Variants in ADCY8 observed in about 807,000 individuals in gnomAD.
ADCY8 encodes adenylate cyclase 8.
A neutral mutation model predicts 119.7 loss-of-function variants in ADCY8; 51 were observed. That is an observed-to-expected ratio of 0.43 (90% CI 0.34 to 0.54). ADCY8 has a LOEUF of 0.54. ADCY8 is among the 20% of genes least tolerant of loss of function. The probability of loss-of-function intolerance (pLI) is 0.03; values close to 1 mark genes in which losing one functional copy is unlikely to be tolerated. For missense variants in ADCY8, 1,383 were observed against 1,598.8 expected, an observed-to-expected ratio of 0.87 and a Z score of 2.30; for synonymous variants, 665 against 651.0, an observed-to-expected ratio of 1.02 and a Z score of -0.33.
At chr8:130,995,789 C>A (rs1359998089) in intron 1 of ADCY8, among the ~76,000 whole-genome samples, 1 of 152,074 alleles carries the variant, frequency 6.6e-6, no homozygotes, top group East Asian at 1.9e-4. Flanking sequence ...ATTCCTGCAC[C>A]CTGTGAATTT....
chr8:130,860,116 T>C (rs1012698804), intron 9 of ADCY8, among the ~76,000 whole-genome samples: 1 of 152,190 alleles, frequency 6.6e-6, no homozygotes, highest in Non-Finnish European at 1.5e-5. Flanking sequence ...AGGTATGTAG[T>C]GGTAGGTCAT....
chr8:130,918,312 GGA>G (rs1176464789), intron 5 of ADCY8, among the ~76,000 whole-genome samples: 1 of 152,092 alleles, frequency 6.6e-6, no homozygotes, highest in African/African-American at 2.4e-5. Context: ...CCTACAAGGT[GGA>G]GAGAGAGAGC....
chr8:131,008,896 G>A (rs1320209052), intron 1 of ADCY8, among the ~76,000 whole-genome samples: 1 of 152,140 alleles, frequency 6.6e-6, no homozygotes, highest in East Asian at 1.9e-4. Context: ...CTATGTTTTG[G>A]CAAGGAGATT....
At chr8:130,825,416 A>G (rs1213361447) in intron 12 of ADCY8, among the ~76,000 whole-genome samples, 2 of 152,166 alleles carry the variant, frequency 1.3e-5, no homozygotes, top group Admixed American at 6.5e-5. Context: ...TGCATCACTT[A>G]TCTTAATTCT....
At chr8:131,007,564 C>T (rs149739429) in intron 1 of ADCY8, among the ~76,000 whole-genome samples, 3 of 152,256 alleles carry the variant, frequency 2.0e-5, no homozygotes, top group African/African-American at 7.2e-5. Flanking sequence ...GAGAAACCTC[C>T]TAGAGCTTAG....
chr8:130,998,722 C>G (rs1822854804), intron 1 of ADCY8, among the ~76,000 whole-genome samples: 1 of 152,096 alleles, frequency 6.6e-6, no homozygotes, highest in Non-Finnish European at 1.5e-5. Flanking sequence ...ACATGGACCA[C>G]AGTGGTAATT....
chr8:130,956,720 T>C (rs1156834988), intron 2 of ADCY8, among the ~76,000 whole-genome samples: 10 of 152,214 alleles, frequency 6.6e-5, no homozygotes, highest in Non-Finnish European at 1.2e-4. Flanking sequence ...TGGGAGATAA[T>C]TGAATCACAG....
chr8:130,823,801 TAACTA>T (rs1267801508), intron 12 of ADCY8, among the ~76,000 whole-genome samples: 1 of 152,212 alleles, frequency 6.6e-6, no homozygotes, highest in African/African-American at 2.4e-5. Context: ...ATTTTGGAGT[TAACTA>T]AATGTCATTT....
intron 12 of ADCY8, among the ~76,000 whole-genome samples, chr8:130,822,535 A>AATCC (rs145398330): frequency 0.017 from 2,355 of 139,688 alleles, 39 homozygotes; most frequent in African/African-American, 0.038. Context: ...TGAATCCATG[A>AATCC]ATCCATCCAT....
chr8:130,877,289 GC>G (rs1272653266), intron 8 of ADCY8, among the ~76,000 whole-genome samples: 1 of 152,156 alleles, frequency 6.6e-6, no homozygotes, highest in Non-Finnish European at 1.5e-5. Flanking sequence ...CAGATCACAA[GC>G]CAGAGTGTAA....
chr8:130,799,570 T>G (rs12545113), intron 15 of ADCY8, among the ~76,000 whole-genome samples: 16,858 of 152,210 alleles, frequency 0.11, 1,148 homozygotes, highest in Admixed American at 0.2. Flanking sequence ...GACAATGCAT[T>G]ACTGCACCTC....
chr8:130,957,014 C>T (rs754726145), intron 2 of ADCY8, among the ~76,000 whole-genome samples: 24 of 152,074 alleles, frequency 1.6e-4, no homozygotes, highest in East Asian at 3.9e-4. Flanking sequence ...AAATTGGTAC[C>T]GGGACTGGGG....
In ADCY8 at chr8:131,036,222, C is replaced by T. The variant is rs547839712; in HGVS notation, c.960+3152G>A. 6.6e-5 allele frequency among the ~76,000 whole-genome samples: 10 copies of T among 152,132 alleles called. 1 individual carries two copies. The South Asian group carries it at 2.1e-3, about 32-fold the overall frequency. ...TCTGAAATGAAAATGAAGGATGATA[C>T]CATCTATTTTTCATCATTAGATATG... On this transcript the variant is annotated intron_variant, in intron 1 of 17. Coordinates refer to ENST00000286355, the MANE Select transcript of ADCY8 (RefSeq NM_001115.3).
chr8:130,922,031 A>C (rs551355214), intron 5 of ADCY8, among the ~76,000 whole-genome samples: 1 of 152,162 alleles, frequency 6.6e-6, no homozygotes, highest in South Asian at 2.1e-4. Context: ...GTGGATTAAT[A>C]AGGAGAGGAA....
At chr8:130,860,250 G>T (rs962342645) in intron 9 of ADCY8, among the ~76,000 whole-genome samples, 1 of 152,112 alleles carries the variant, frequency 6.6e-6, no homozygotes, top group Non-Finnish European at 1.5e-5. Flanking sequence ...AAAAAATTGG[G>T]TTGTTTTCTA....
In ADCY8 at chr8:130,932,757, C is replaced by G. The variant is rs191249760; in HGVS notation, c.1481+4316G>C. Among the ~76,000 whole-genome samples the G allele has an allele frequency of 1.8e-4, 27 of 152,224 alleles. No homozygotes were observed. The East Asian group carries it at 4.3e-3, about 24-fold the overall frequency. ...TATTTCATTAACTGGCTTTACTACTCCTCACCCTCTTTGAAACCTGCCAAT... is the reference window on the plus strand; with the variant it reads ...TATTTCATTAACTGGCTTTACTACTGCTCACCCTCTTTGAAACCTGCCAAT... On this transcript the variant is annotated intron_variant, in intron 5 of 17. Coordinates refer to ENST00000286355, the MANE Select transcript of ADCY8 (RefSeq NM_001115.3).
intron 2 of ADCY8, 116 bp downstream of exon 2, chr8:130,990,277 T>C: frequency 1.5e-6 from 2 of 1,357,180 alleles, no homozygotes; most frequent in East Asian, 2.3e-5. Flanking sequence ...TCCTGTGACA[T>C]AAACTTTAAG....
chr8:130,990,141 G>C (rs1822529423), intron 2 of ADCY8, among the ~76,000 whole-genome samples: 1 of 152,216 alleles, frequency 6.6e-6, no homozygotes, highest in Non-Finnish European at 1.5e-5. Context: ...TCAGTGAAAG[G>C]TGTCAGAAAA....
At chr8:130,968,231 C>A (rs562868898) in intron 2 of ADCY8, among the ~76,000 whole-genome samples, 21 of 150,834 alleles carry the variant, frequency 1.4e-4, no homozygotes, top group African/African-American at 4.9e-4. Flanking sequence ...AGTGCAGTGG[C>A]GCATCTCCGC....
Sources: allele counts gnomAD v4.1 joint callset (sites outside exome capture counted in the v4.1 genomes callset), GRCh38; gene constraint gnomAD v4.1.1; transcripts MANE v1.5; gene names NCBI Gene and HGNC (gene_info 2026-07-23, HGNC 2026-07-21).